NSMCE2: variants seen among roughly 807,000 people sequenced by gnomAD.
NSMCE2 encodes E3 SUMO-protein ligase NSE2.
A neutral mutation model predicts 23.8 loss-of-function variants in NSMCE2; 24 were observed. The observed-to-expected ratio is 1.01, with a 90% CI of 0.73 to 1.42. The LOEUF (loss-of-function observed/expected upper bound fraction) is 1.42. NSMCE2 is among the 40% of genes most tolerant of loss of function. The pLI, the probability that NSMCE2 is intolerant of heterozygous loss-of-function variation, is 0.00. For synonymous variants in NSMCE2, 92 were observed against 94.1 expected (o/e 0.98, Z 0.13); for missense variants, 284 against 296.5 (o/e 0.96, Z 0.31).
chr8:125,135,333 G>T (rs934621500), intron 3 of NSMCE2, among the ~76,000 whole-genome samples: 4 of 152,132 alleles, frequency 2.6e-5, no homozygotes, highest in African/African-American at 9.7e-5. Context: ...TTACAAGCTC[G>T]AGCCTCTGTG....
In NSMCE2 at chr8:125,115,142, C is replaced by G. The variant is rs1818938830; in HGVS notation, c.157+12655C>G. ...TTTTTGAGTGAACCAGTCAGTCAAC[C>G]AAGTAACTAAGAAATTTGGGTGTTG... On this transcript the variant is annotated intron_variant, in intron 3 of 7. Transcript: ENST00000287437. Among the ~76,000 whole-genome samples, 3 of 152,098 alleles carry G rather than the reference C, an allele frequency of 2.0e-5. No individual in the cohort carries two copies. The South Asian group carries it at 6.2e-4, about 32-fold the overall frequency.
At chr8:125,184,739 G>A (rs1271308087) in intron 5 of NSMCE2, among the ~76,000 whole-genome samples, 1 of 151,910 alleles carries the variant, frequency 6.6e-6, no homozygotes, top group Non-Finnish European at 1.5e-5. Context: ...CATGTCTAGT[G>A]GATTTTCTTT....
At chr8:125,182,074 A>T in intron 4 of NSMCE2, 29 bp from the exon 5 acceptor site, 2 of 1,510,808 alleles carry the variant, frequency 1.3e-6, no homozygotes, top group South Asian at 1.2e-5. Flanking sequence ...ATTAACATTT[A>T]ACTCAGGTAA....
At chr8:125,133,756 T>A (rs1819898604) in intron 3 of NSMCE2, among the ~76,000 whole-genome samples, 1 of 149,576 alleles carries the variant, frequency 6.7e-6, no homozygotes, top group African/African-American at 2.5e-5. Context: ...AGAGCAAGAC[T>A]CCATCTCAAA....
At chr8:125,172,976 G>A (rs1822293897) in intron 4 of NSMCE2, among the ~76,000 whole-genome samples, 1 of 152,134 alleles carries the variant, frequency 6.6e-6, no homozygotes, top group Admixed American at 6.6e-5. Context: ...TGCCTATATG[G>A]AGTTATTTCT....
At chr8:125,212,448 G>C (rs1824388879) in intron 5 of NSMCE2, among the ~76,000 whole-genome samples, 1 of 152,134 alleles carries the variant, frequency 6.6e-6, no homozygotes, top group African/African-American at 2.4e-5. Context: ...TGTGCAGGAG[G>C]CTTTGTTCAT....
chr8:125,155,244 T>C (rs538610633), intron 4 of NSMCE2, among the ~76,000 whole-genome samples: 46 of 152,326 alleles, frequency 3.0e-4, no homozygotes, highest in African/African-American at 9.9e-4. Context: ...GGGAAGAATT[T>C]GGAGACTCCT....
At chr8:125,213,589 TCTC>T (rs1824445910) in intron 5 of NSMCE2, among the ~76,000 whole-genome samples, 1 of 131,762 alleles carries the variant, frequency 7.6e-6, no homozygotes, top group Non-Finnish European at 1.6e-5. Context: ...TTTCCTTTCT[TCTC>T]CTCTTTCCTT....
intron 7 of NSMCE2, among the ~76,000 whole-genome samples, chr8:125,361,019 A>T (rs1268619682): frequency 1.3e-5 from 2 of 152,034 alleles, no homozygotes; most frequent in African/African-American, 4.8e-5. Flanking sequence ...ATATCTGTTA[A>T]CAATAAGCCT....
At chr8:125,164,153 T>G (rs773858109) in intron 4 of NSMCE2, among the ~76,000 whole-genome samples, 19 of 152,222 alleles carry the variant, frequency 1.2e-4, no homozygotes, top group South Asian at 6.2e-4. Flanking sequence ...CAACATTCTT[T>G]CCCTCAGTGA....
chr8:125,365,811 C>G (rs912396889), intron 7 of NSMCE2, among the ~76,000 whole-genome samples: 1 of 152,146 alleles, frequency 6.6e-6, no homozygotes, highest in African/African-American at 2.4e-5. Flanking sequence ...GAGCTGAGAT[C>G]ACGCCACTGC....
At chr8:125,275,021 AT>A in intron 5 of NSMCE2, among the ~76,000 whole-genome samples, 1 of 149,286 alleles carries the variant, frequency 6.7e-6, no homozygotes, top group African/African-American at 2.4e-5. Flanking sequence ...AATAATAATA[AT>A]AATAATAATA....
chr8:125,216,406 GAGGC>G (rs1308279050), intron 5 of NSMCE2, among the ~76,000 whole-genome samples: 1 of 152,106 alleles, frequency 6.6e-6, no homozygotes, highest in Non-Finnish European at 1.5e-5. Flanking sequence ...TTGGAAGGCC[GAGGC>G]AGGCAGATTA....
At chr8:125,343,594 G>A (rs1830327178) in intron 5 of NSMCE2, among the ~76,000 whole-genome samples, 1 of 151,938 alleles carries the variant, frequency 6.6e-6, no homozygotes, top group African/African-American at 2.4e-5. Flanking sequence ...AGCCCAGATT[G>A]TTCCATTGCA....
chr8:125,293,223 A>C (rs535938461), intron 5 of NSMCE2, among the ~76,000 whole-genome samples: 1 of 152,178 alleles, frequency 6.6e-6, no homozygotes, highest in South Asian at 2.1e-4. Context: ...CCCACCTTGC[A>C]CTCTCAGGGA....
At chr8:125,357,382 C>T in intron 6 of NSMCE2, 63 bp downstream of exon 6, 1 of 1,151,212 alleles carries the variant, frequency 8.7e-7, no homozygotes, top group Non-Finnish European at 1.3e-6. Context: ...CAGAAAGGTT[C>T]CTGTTTGCTT....
At chr8:125,188,906 T>G (rs1027415533) in intron 5 of NSMCE2, among the ~76,000 whole-genome samples, 4 of 152,148 alleles carry the variant, frequency 2.6e-5, no homozygotes, top group Non-Finnish European at 5.9e-5. Flanking sequence ...TAGAGAAGAC[T>G]AGTGATTGGA....
intron 5 of NSMCE2, among the ~76,000 whole-genome samples, chr8:125,310,158 C>G (rs1322703740): frequency 6.6e-6 from 1 of 152,144 alleles, no homozygotes; most frequent in Non-Finnish European, 1.5e-5. Context: ...AAATACTTGA[C>G]ACATTTTGCT....
intron 5 of NSMCE2, among the ~76,000 whole-genome samples, chr8:125,252,202 G>C (rs1290744174): frequency 6.6e-6 from 1 of 152,140 alleles, no homozygotes; most frequent in Non-Finnish European, 1.5e-5. Flanking sequence ...GGAAAGGGAT[G>C]ACAGAAAGAA....
Sources: gnomAD v4.1 joint callset for allele counts (sites outside exome capture counted in the v4.1 genomes callset) on GRCh38, gnomAD v4.1.1 for gene constraint, MANE v1.5 for transcripts, NCBI Gene and HGNC (gene_info 2026-07-23, HGNC 2026-07-21) for gene names.